The following RARB variants were observed in gnomAD, a reference collection of about 807,000 sequenced individuals.
The protein encoded by RARB is HBV-activated protein.
RARB carries 17 observed loss-of-function variants against 51.9 expected under a neutral mutation model. The ratio of observed to expected loss-of-function variants is 0.33; its 90% confidence interval spans 0.22 to 0.49. The LOEUF is 0.49. Ranked by LOEUF, RARB falls within the 20% of genes least tolerant of loss-of-function variation. The pLI is 0.99. For missense variants in RARB, 369 were observed against 550.8 expected (o/e 0.67, Z 3.30); for synonymous variants, 215 against 195.4 (o/e 1.10, Z -0.84).
chr3:24,916,082 G>T (rs1255032517), intron 2 of RARB, among the ~76,000 whole-genome samples: 1 of 151,994 alleles, frequency 6.6e-6, no homozygotes. Context: ...TAAAAACTAG[G>T]CCTGTCAATA....
At chr3:25,074,368 T>C (rs543256434) in intron 3 of RARB, among the ~76,000 whole-genome samples, 1 of 152,290 alleles carries the variant, frequency 6.6e-6, no homozygotes, top group East Asian at 1.9e-4. Flanking sequence ...GGAGTGTGTT[T>C]ATTTTATCCT....
At chr3:25,247,869 A>G (rs939936527) in intron 5 of RARB, among the ~76,000 whole-genome samples, 1 of 152,170 alleles carries the variant, frequency 6.6e-6, no homozygotes, top group Non-Finnish European at 1.5e-5. Context: ...GTTGGGTGAA[A>G]TGTTCTGTAA....
chr3:25,577,128 G>C (rs1329510525), intron 4 of RARB, among the ~76,000 whole-genome samples: 1 of 152,168 alleles, frequency 6.6e-6, no homozygotes, highest in Admixed American at 6.5e-5. Flanking sequence ...CCAGTAGGGA[G>C]GGGGTGACGT....
intron 5 of RARB, among the ~76,000 whole-genome samples, chr3:25,349,139 A>G (rs1705484504): frequency 6.6e-6 from 1 of 152,190 alleles, no homozygotes; most frequent in South Asian, 2.1e-4. Flanking sequence ...GAAGGCGGAA[A>G]GGGCTCAGAG....
At chr3:24,879,451 T>C (rs927380108) in intron 2 of RARB, among the ~76,000 whole-genome samples, 1 of 143,734 alleles carries the variant, frequency 7.0e-6, no homozygotes, top group Non-Finnish European at 1.5e-5. Flanking sequence ...AAATAAAAAA[T>C]AAAAAAATTG....
At chr3:25,467,796 C>T (rs1366560327) in intron 2 of RARB, among the ~76,000 whole-genome samples, 2 of 152,198 alleles carry the variant, frequency 1.3e-5, no homozygotes, top group African/African-American at 4.8e-5. Context: ...ATCATTCATC[C>T]TTAAGCATAT....
chr3:25,181,313 A>C (rs1219439710), intron 5 of RARB, among the ~76,000 whole-genome samples: 1 of 152,156 alleles, frequency 6.6e-6, no homozygotes, highest in African/African-American at 2.4e-5. Flanking sequence ...CTGATTTACT[A>C]TGCATGTCTT....
intron 5 of RARB, among the ~76,000 whole-genome samples, chr3:25,256,278 G>A (rs933119215): frequency 3.9e-5 from 6 of 152,074 alleles, no homozygotes; most frequent in Non-Finnish European, 2.9e-5. Context: ...ATCTCCATCA[G>A]AGAAAGGAAT....
chr3:24,830,028 G>A (rs1244113451), intron 1 of RARB, among the ~76,000 whole-genome samples: 1 of 152,168 alleles, frequency 6.6e-6, no homozygotes, highest in South Asian at 2.1e-4. Context: ...AGCGGGTAGC[G>A]CCAGGCTGCA....
At chr3:25,513,017 C>T (rs149349759) in intron 3 of RARB, among the ~76,000 whole-genome samples, 39 of 150,620 alleles carry the variant, frequency 2.6e-4, no homozygotes, top group African/African-American at 8.3e-4. Flanking sequence ...CGGCTGGGTG[C>T]GATGGCTCAT....
chr3:25,372,713 C>T (rs1706337869), intron 5 of RARB, among the ~76,000 whole-genome samples: 1 of 152,170 alleles, frequency 6.6e-6, no homozygotes, highest in Non-Finnish European at 1.5e-5. Context: ...GTAGTTCCAG[C>T]TACTTGGGAG....
At chr3:25,425,878 A>T (rs186090798), upstream of RARB, among the ~76,000 whole-genome samples, 10 of 152,282 alleles carry the variant, frequency 6.6e-5, no homozygotes, top group Non-Finnish European at 1.2e-4. Flanking sequence ...GAGAGATGTT[A>T]AGCAAGAATG....
At position 25,188,728 on chromosome 3, in the gene RARB, A is replaced by G. The variant is rs146775077; in HGVS notation, c.178+14153A>G. Among the ~76,000 whole-genome samples, 648 of 143,200 alleles carry G rather than the reference A, an allele frequency of 4.5e-3. 6 individuals carry two copies. The highest frequency in any genetic ancestry group is 0.016 in the African/African-American group (632 of 38,326). 93.9% of individuals were successfully genotyped at this position (143,200 alleles called of 152,430 possible). A position where few individuals can be genotyped will look rare whatever the true frequency, so the allele number is the denominator to read the frequency against. On this transcript the variant is annotated intron_variant, in intron 5 of 11. Transcript: ENST00000383772. ...ATAACTACCATTTGTGTGAGAAACT[A>G]TATACATCATCTTGTTTTTTACCCA... is the stretch of plus-strand genomic sequence containing the variant.
intron 2 of RARB, among the ~76,000 whole-genome samples, chr3:24,930,321 CA>C (rs1469529769): frequency 6.6e-6 from 1 of 151,264 alleles, no homozygotes; most frequent in Admixed American, 6.6e-5. Context: ...GGGATGCATC[CA>C]GGGGCGTAAG....
chr3:24,951,642 C>G (rs751531289), intron 2 of RARB, among the ~76,000 whole-genome samples: 1 of 152,136 alleles, frequency 6.6e-6, no homozygotes, highest in Admixed American at 6.5e-5. Context: ...TACACTCACT[C>G]TAGAACACTA....
In RARB at chr3:25,077,045, T is replaced by C. The variant is rs369340333; in HGVS notation, c.-328+16869T>C. On this transcript the variant is annotated intron_variant, in intron 3 of 11. Transcript: ENST00000383772. ...CAACTTCTGTTGAAGTTATTTTCTG[T>C]AGGCATCTAAAGTAGGGCAACTATG... Among the ~76,000 whole-genome samples the C allele has an allele frequency of 3.3e-5, 5 of 152,346 alleles. No individual in the cohort carries two copies. In the South Asian group the frequency reaches 6.2e-4, roughly 19 times the overall value.
intron 4 of RARB, among the ~76,000 whole-genome samples, chr3:25,570,474 G>A (rs1575528972): frequency 6.6e-6 from 1 of 152,206 alleles, no homozygotes; most frequent in African/African-American, 2.4e-5. Context: ...AGAAAAGTTT[G>A]GGGTAGGCAT....
chr3:25,290,516 G>A (rs1703761592), intron 5 of RARB, among the ~76,000 whole-genome samples: 1 of 152,190 alleles, frequency 6.6e-6, no homozygotes, highest in African/African-American at 2.4e-5. Context: ...AATCCACTGT[G>A]TGGAGGGACA....
intron 1 of RARB, among the ~76,000 whole-genome samples, chr3:24,834,082 A>G (rs1451269108): frequency 6.6e-6 from 1 of 152,238 alleles, no homozygotes; most frequent in African/African-American, 2.4e-5. Flanking sequence ...ATCAATTAAG[A>G]AAGAGCTTAT....
Sources: gnomAD v4.1 joint callset for allele counts (sites outside exome capture counted in the v4.1 genomes callset) on GRCh38, gnomAD v4.1.1 for gene constraint, MANE v1.5 for transcripts, NCBI Gene and HGNC (gene_info 2026-07-23, HGNC 2026-07-21) for gene names.